SPART: variants seen among roughly 807,000 people sequenced by gnomAD.
SPART encodes the protein spastic paraplegia 20 (Troyer syndrome).
In SPART, 35 loss-of-function variants were observed where a neutral mutation model predicts 58.7. That is an observed-to-expected ratio of 0.60 (90% CI 0.46 to 0.79). The LOEUF (loss-of-function observed/expected upper bound fraction) is 0.79, where lower values mean the gene tolerates loss of function less well. Ranked by LOEUF, SPART falls within the 30% of genes least tolerant of loss-of-function variation. SPART has a pLI of 0.00. For missense variants in SPART, 730 were observed against 786.1 expected (o/e 0.93, Z 0.85); for synonymous variants, 284 against 280.7 (o/e 1.01, Z -0.12).
At position 36,335,742 on chromosome 13, in the gene SPART, C is replaced by A; in HGVS notation, c.89G>T (p.Gly30Val). The change falls in exon 2 of 9, where the codon GGT (glycine) becomes GTT (valine). Residue 30 changes from glycine (G) to valine (V), a missense_variant. Physicochemically the swap from Gly to Val is moderately radical, Grantham distance 109. Transcript: ENST00000438666. Reference sequence around the variant, plus strand: ...CTGACCTAATTCATCTGTATTCAGACCTTTGTTAACAAATAAAAAGGCCTT... The same window carrying A: ...CTGACCTAATTCATCTGTATTCAGAACTTTGTTAACAAATAAAAAGGCCTT... Reference protein sequence around the residue: ...YKKAFLFVNKGLNTDELGQKE... With the variant: ...YKKAFLFVNKVLNTDELGQKE... 15 of 1,614,096 alleles carry A rather than the reference C, an allele frequency of 9.3e-6. No homozygotes were observed. The highest frequency in any genetic ancestry group is 1.3e-5 in the Non-Finnish European group (15 of 1,180,000).
At chr13:36,326,270 C>G in intron 5 of SPART, 1 of 362,680 alleles carries the variant, frequency 2.8e-6, no homozygotes, top group Non-Finnish European at 5.2e-6. Flanking sequence ...GAGGGAGCTT[C>G]AAAGGGGAAA....
Position 36,319,713 on chromosome 13 carries a change from C to T in SPART, c.1289-5292G>A, listed in dbSNP as rs978066630. On this transcript the variant is annotated intron_variant, in intron 5 of 8. Coordinates refer to ENST00000438666, the MANE Select transcript of SPART (RefSeq NM_015087.5). ...ATCTCAAACATGCTTTCTTTACTAT[C>T]CCTTTGCACCCTTCATCCCAGCCTT... 1.3e-3 allele frequency among the ~76,000 whole-genome samples: 182 copies of T among 140,684 alleles called. 2 individuals are homozygous for T. Among genetic ancestry groups the T allele is most frequent in the African/African-American group, 4.5e-3 (175 of 39,252 alleles). 92.3% of individuals were successfully genotyped at this position (140,684 alleles called of 152,430 possible). A position where few individuals can be genotyped will look rare whatever the true frequency, so the allele number is the denominator to read the frequency against.
chr13:36,322,987 A>T (rs1444652158), intron 5 of SPART, among the ~76,000 whole-genome samples: 1 of 152,212 alleles, frequency 6.6e-6, no homozygotes, highest in Non-Finnish European at 1.5e-5. Context: ...ACCAAAATGG[A>T]AAAGTTTTTG....
intron 1 of SPART, chr13:36,365,712 CT>C: frequency 2.5e-6 from 1 of 394,878 alleles, no homozygotes; most frequent in South Asian, 2.1e-5. Flanking sequence ...ATGACCATAT[CT>C]TTTTTTATCT....
At chr13:36,322,101 C>T (rs182357273) in intron 5 of SPART, among the ~76,000 whole-genome samples, 4 of 152,214 alleles carry the variant, frequency 2.6e-5, no homozygotes, top group East Asian at 3.9e-4. Flanking sequence ...ATTCTCTTTT[C>T]GGACTCAGCC....
intron 1 of SPART, chr13:36,368,314 G>C: frequency 3.1e-6 from 1 of 323,532 alleles, no homozygotes; most frequent in Non-Finnish European, 6.6e-6. Flanking sequence ...AATCTGGAAG[G>C]CTTTTGAGGA....
chr13:36,359,698 CAA>C (rs907534811), intron 1 of SPART, among the ~76,000 whole-genome samples: 1 of 152,084 alleles, frequency 6.6e-6, no homozygotes, highest in Non-Finnish European at 1.5e-5. Flanking sequence ...TTGCAGTAGT[CAA>C]GAGCACAGAT....
chr13:36,319,941 A>C (rs1045383829), intron 5 of SPART, among the ~76,000 whole-genome samples: 1 of 152,044 alleles, frequency 6.6e-6, no homozygotes, highest in Non-Finnish European at 1.5e-5. Flanking sequence ...TCTCAAACCC[A>C]AGCACCTTCT....
chr13:36,356,830 A>G (rs1885639204), intron 1 of SPART, among the ~76,000 whole-genome samples: 1 of 152,242 alleles, frequency 6.6e-6, no homozygotes, highest in Non-Finnish European at 1.5e-5. Context: ...AACATAAGTA[A>G]GGGAGGATAC....
intron 3 of SPART, among the ~76,000 whole-genome samples, chr13:36,330,726 A>G (rs940003391): frequency 6.6e-6 from 1 of 152,218 alleles, no homozygotes; most frequent in African/African-American, 2.4e-5. Context: ...CTCTATTTCT[A>G]CAGGTACGCA....
In SPART at chr13:36,335,304, G is replaced by A. The variant is rs769445607; in HGVS notation, c.527C>T (p.Pro176Leu). The A allele has an allele frequency of 9.3e-6, 15 of 1,613,944 alleles. No homozygotes were observed. The highest frequency in any genetic ancestry group is 1.7e-5 in the Admixed American group (1 of 59,990). ...CPAEAPPAYT[P>L]QAAEGHYTVS... ...AGTGTAGTGACCTTCAGCAGCTTGA[G>A]GAGTATAAGCAGGAGGAGCTTCTGC... Residue 176 changes from proline to leucine, a missense_variant, in exon 2 of 9, where the codon CCT becomes CTT. Pro to Leu is a moderately conservative substitution (Grantham distance 98). Transcript: ENST00000438666.
At chr13:36,327,343 T>C (rs572514780) in intron 4 of SPART, among the ~76,000 whole-genome samples, 3 of 152,212 alleles carry the variant, frequency 2.0e-5, no homozygotes, top group Admixed American at 1.3e-4. Flanking sequence ...ATAAAATAAC[T>C]TGAAAATCAA....
intron 1 of SPART, among the ~76,000 whole-genome samples, chr13:36,342,006 G>A (rs1374379815): frequency 6.6e-6 from 1 of 152,196 alleles, no homozygotes; most frequent in South Asian, 2.1e-4. Context: ...TAAGGCAGCA[G>A]AAAGACAGCA....
At position 36,304,358 on chromosome 13, in the gene SPART, C is replaced by T; in HGVS notation, c.*7G>A. On this transcript the variant is annotated 3_prime_UTR_variant, in exon 9 of 9. Transcript: ENST00000438666. ...AGGCTTTGGTATAAGTGATTCCCAG[C>T]ACTTCATCATTTATCTTTCTTCTTT... 6.2e-7 allele frequency: 1 copy of T among 1,613,952 alleles called. No homozygotes were observed. Among genetic ancestry groups the T allele is most frequent in the Non-Finnish European group, 8.5e-7 (1 of 1,179,894 alleles).
Position 36,329,344 on chromosome 13 carries a change from T to C in SPART, c.1164+18A>G, listed in dbSNP as rs754570040. On this transcript the variant is annotated intron_variant, in intron 4 of 8. Coordinates refer to ENST00000438666, the MANE Select transcript of SPART (RefSeq NM_015087.5). ...ACCATTAGAAGACAACACACACACT[T>C]ATTACTCTTTTATTTACCCTTTTTC... is the stretch of plus-strand genomic sequence containing the variant. 6 of 1,613,272 alleles carry C rather than the reference T, an allele frequency of 3.7e-6. No homozygotes were observed. Among genetic ancestry groups the C allele is most frequent in the East Asian group, 4.5e-5 (2 of 44,848 alleles).
At chr13:36,344,674 C>T (rs966723222) in intron 1 of SPART, among the ~76,000 whole-genome samples, 1 of 151,994 alleles carries the variant, frequency 6.6e-6, no homozygotes, top group Non-Finnish European at 1.5e-5. Context: ...AGGATGGTGA[C>T]TTAAAAAAAA....
At chr13:36,348,114 G>A (rs1212569316), upstream of SPART, among the ~76,000 whole-genome samples, 1 of 151,840 alleles carries the variant, frequency 6.6e-6, no homozygotes. Flanking sequence ...GACGAAACCC[G>A]TCCCTACAAA....
At chr13:36,331,947 C>CT (rs1314362488) in intron 2 of SPART, among the ~76,000 whole-genome samples, 9 of 152,034 alleles carry the variant, frequency 5.9e-5, no homozygotes, top group Non-Finnish European at 8.8e-5. Flanking sequence ...TCAGATATTC[C>CT]TTTTGTGGTA....
In SPART at chr13:36,326,607, C is replaced by G. The variant is rs1346412330; in HGVS notation, c.1256G>C (p.Trp419Ser). Residue 419 changes from tryptophan to serine, a missense_variant, in exon 5 of 9, where the codon TGG (tryptophan) becomes TCG (serine). Trp to Ser is a radical substitution (Grantham distance 177). Transcript: ENST00000438666. ...AATGTTGTGAGCCACTTTTTCACTC[C>G]ATTCAGGTAATTCTTTTGGCTTTTC... Reference protein sequence around the residue: ...PEEKPKELPEWSEKVAHNILS... With the variant: ...PEEKPKELPESSEKVAHNILS... 3.1e-6 allele frequency: 5 copies of G among 1,613,374 alleles called. No homozygotes were observed. The highest frequency in any genetic ancestry group is 4.2e-6 in the Non-Finnish European group (5 of 1,179,884).
Sources: gnomAD v4.1 joint callset for allele counts (sites outside exome capture counted in the v4.1 genomes callset) on GRCh38, gnomAD v4.1.1 for gene constraint, MANE v1.5 for transcripts, NCBI Gene and HGNC (gene_info 2026-07-23, HGNC 2026-07-21) for gene names.